The following TSPAN10 variants were observed in gnomAD, a reference collection of about 807,000 sequenced individuals.
TSPAN10 encodes the protein tetraspanin-10.
A neutral mutation model predicts 15.0 loss-of-function variants in TSPAN10; 11 were observed. The ratio of observed to expected loss-of-function variants is 0.73; its 90% CI spans 0.46 to 1.21. TSPAN10 has a LOEUF of 1.21. Ranked by LOEUF, TSPAN10 falls within the 50% of genes most tolerant of loss-of-function variation. The pLI, the probability that TSPAN10 is intolerant of heterozygous loss-of-function variation, is 0.00. For missense variants in TSPAN10, 486 were observed against 470.6 expected (o/e 1.03, Z -0.30); for synonymous variants, 241 against 226.2 (o/e 1.07, Z -0.59).
intron 1 of TSPAN10, among the ~76,000 whole-genome samples, chr17:81,644,027 T>G (rs2036209039): frequency 6.7e-6 from 1 of 150,344 alleles, no homozygotes; most frequent in Admixed American, 6.6e-5. Context: ...TTTTTTTTTT[T>G]TAGTAGAGAT....
At chr17:81,645,938 C>T (rs2036247187) in intron 2 of TSPAN10, 2 of 526,172 alleles carry the variant, frequency 3.8e-6, no homozygotes, top group East Asian at 7.0e-5. Context: ...ACGTGTCATG[C>T]ACACAAGGTA....
chr17:81,642,247 G>A (rs2036184721), upstream of TSPAN10: 3 of 628,078 alleles, frequency 4.8e-6, no homozygotes, highest in Admixed American at 2.8e-5. Flanking sequence ...CTGTGACTCC[G>A]GCATCTGGGT....
At chr17:81,639,979 CAA>C (rs1285964538), upstream of TSPAN10, among the ~76,000 whole-genome samples, 4 of 123,354 alleles carry the variant, frequency 3.2e-5, no homozygotes, top group Non-Finnish European at 3.6e-5. Context: ...GACTCCGTCT[CAA>C]AAAAAAAAAA....
chr17:81,641,745 G>T (rs1030184757), upstream of TSPAN10, among the ~76,000 whole-genome samples: 22 of 112,758 alleles, frequency 2.0e-4, no homozygotes, highest in African/African-American at 8.6e-4. Flanking sequence ...GCAGAACCCT[G>T]TCTCTACAAA....
intron 1 of TSPAN10, among the ~76,000 whole-genome samples, chr17:81,643,610 CAAAAAAAAA>C (rs777668849): frequency 6.6e-5 from 1 of 15,134 alleles, no homozygotes; most frequent in Non-Finnish European, 9.3e-5. Flanking sequence ...GACTCCGTCT[CAAAAAAAAA>C]AAAAAAAAAA....
At chr17:81,639,986 A>C (rs1449994030), upstream of TSPAN10, among the ~76,000 whole-genome samples, 3 of 151,734 alleles carry the variant, frequency 2.0e-5, no homozygotes, top group Admixed American at 2.0e-4. Flanking sequence ...TCTCAAAAAA[A>C]AAAAAAAAAG....
chr17:81,644,182 AC>A (rs2036211777), intron 1 of TSPAN10, among the ~76,000 whole-genome samples: 1 of 150,782 alleles, frequency 6.6e-6, no homozygotes, highest in Admixed American at 6.6e-5. Context: ...TTTTAAAAAA[AC>A]TCTTCCCGGC....
chr17:81,648,371 G>GCGCCGC, downstream of TSPAN10: 1 of 1,159,134 alleles, frequency 8.6e-7, no homozygotes, highest in Non-Finnish European at 1.1e-6. Flanking sequence ...AGCGCGGCCT[G>GCGCCGC]CGCCGCCGCC....
At chr17:81,645,529 C>T (rs1224265100) in exon 2 of TSPAN10, 4 of 1,599,396 alleles carry the variant, frequency 2.5e-6, no homozygotes, top group South Asian at 2.3e-5. Flanking sequence ...GGCCATCGCC[C>T]ACTACCAGGA....
chr17:81,645,465 G>C, exon 2 of TSPAN10: 1 of 1,586,388 alleles, frequency 6.3e-7, no homozygotes, highest in Non-Finnish European at 8.6e-7. Flanking sequence ...CGGGGGCCCT[G>C]GTGGTGGCCC....
At chr17:81,646,861 T>G (rs199653851) in intron 2 of TSPAN10, among the ~76,000 whole-genome samples, 3,690 of 54,118 alleles carry the variant, frequency 0.068, 171 homozygotes, top group African/African-American at 0.26. Context: ...TTGTTTGTTT[T>G]TTTGAGACGG....
At chr17:81,648,428 A>G, downstream of TSPAN10, 1 of 875,522 alleles carries the variant, frequency 1.1e-6, no homozygotes, top group Non-Finnish European at 1.5e-6. Flanking sequence ...CGCAGGACCT[A>G]CCCAGCTCGC....
chr17:81,647,796 G>A, intron 2 of TSPAN10, 105 bp from the exon 4 acceptor site: 1 of 1,253,700 alleles, frequency 8.0e-7, no homozygotes, highest in Non-Finnish European at 1.1e-6. Flanking sequence ...ATGTGCCTGT[G>A]TGGCCATGGA....
At chr17:81,638,927 T>C (rs1405711369), upstream of TSPAN10, 1 of 152,154 alleles carries the variant, frequency 6.6e-6, no homozygotes, top group Non-Finnish European at 1.5e-5. Context: ...TATGGCTAAT[T>C]TGTTAGTCCT....
chr17:81,641,130 A>C (rs2036174078), upstream of TSPAN10, among the ~76,000 whole-genome samples: 1 of 151,900 alleles, frequency 6.6e-6, no homozygotes, highest in South Asian at 2.1e-4. Context: ...GTGCCACTGC[A>C]TTCCAGCCTC....
upstream of TSPAN10, among the ~76,000 whole-genome samples, chr17:81,639,796 G>T (rs1034211382): frequency 6.6e-6 from 1 of 151,344 alleles, no homozygotes; most frequent in Non-Finnish European, 1.5e-5. Flanking sequence ...GGCTAATATG[G>T]TGAAACCCTG....
intron 1 of TSPAN10, among the ~76,000 whole-genome samples, chr17:81,644,698 C>G (rs1458334185): frequency 6.6e-6 from 1 of 152,232 alleles, no homozygotes; most frequent in African/African-American, 2.4e-5. Flanking sequence ...CTGAGCACCG[C>G]CCTGCTTGGT....
chr17:81,639,200 C>CTTTTTTTTTTTTTTTTTTTTTTTT (rs757994889), upstream of TSPAN10: 1 of 115,252 alleles, frequency 8.7e-6, no homozygotes, highest in African/African-American at 3.5e-5. Flanking sequence ...TTTGGAATTA[C>CTTTTTTTTTTTTTTTTTTTTTTTT]TTTTCTTTTT....
chr17:81,648,022 G>A, exon 3 of TSPAN10: 4 of 1,606,796 alleles, frequency 2.5e-6, no homozygotes, highest in Non-Finnish European at 3.4e-6. Context: ...CCTGCGCCTG[G>A]ATGCGGACGC....
Sources: allele counts gnomAD v4.1 joint callset (sites outside exome capture counted in the v4.1 genomes callset), GRCh38; gene constraint gnomAD v4.1.1; transcripts MANE v1.5; gene names NCBI Gene and HGNC (gene_info 2026-07-23, HGNC 2026-07-21).